The following TRAPPC12 variants were observed in gnomAD, a reference collection of about 807,000 sequenced individuals.
The protein encoded by TRAPPC12 is TPR repeat protein 15.
A neutral mutation model predicts 69.2 loss-of-function variants in TRAPPC12; 61 were observed. That is an observed-to-expected ratio of 0.88 (90% CI 0.72 to 1.09). The LOEUF (loss-of-function observed/expected upper bound fraction) is 1.09, where lower values mean the gene tolerates loss of function less well. Ranked by LOEUF, TRAPPC12 falls within the 50% of genes least tolerant of loss-of-function variation. The probability of loss-of-function intolerance (pLI) is 0.00; values close to 1 mark genes in which losing one functional copy is unlikely to be tolerated. For synonymous variants in TRAPPC12, 469 were observed against 438.9 expected, an observed-to-expected ratio of 1.07 and a Z score of -0.86; for missense variants, 1,101 against 1,016.4, an observed-to-expected ratio of 1.08 and a Z score of -1.13.
intron 8 of TRAPPC12, 148 bp from the exon 9 acceptor site, chr2:3,465,449 G>C: frequency 3.3e-6 from 2 of 608,424 alleles, no homozygotes; most frequent in Non-Finnish European, 5.8e-6. Context: ...GCCGAGCACC[G>C]CGTGCTGGTT....
At chr2:3,430,373 G>C (rs1663359825) in intron 5 of TRAPPC12, among the ~76,000 whole-genome samples, 1 of 152,192 alleles carries the variant, frequency 6.6e-6, no homozygotes, top group Admixed American at 6.5e-5. Context: ...ACTAAAGATT[G>C]TCAGACTTTC....
At chr2:3,395,088 A>G (rs916366078) in intron 2 of TRAPPC12, among the ~76,000 whole-genome samples, 5 of 152,248 alleles carry the variant, frequency 3.3e-5, no homozygotes, top group African/African-American at 9.6e-5. Flanking sequence ...ATTTAGCTCT[A>G]TAAGAAATAG....
chr2:3,411,200 C>G (rs1662035607), intron 3 of TRAPPC12, among the ~76,000 whole-genome samples: 3 of 152,194 alleles, frequency 2.0e-5, no homozygotes, highest in Non-Finnish European at 4.4e-5. Context: ...GTAACTTACA[C>G]CTTCCATACT....
At chr2:3,389,033 A>G (rs1660671964) in intron 2 of TRAPPC12, 1 of 197,808 alleles carries the variant, frequency 5.1e-6, no homozygotes, top group Non-Finnish European at 1.0e-5. Flanking sequence ...CCTGTAACAT[A>G]TAATGTGCCC....
chr2:3,387,788 G>C lies in TRAPPC12; in HGVS notation c.165G>C (p.Ser55=), dbSNP rs2103427720. 6.2e-7 allele frequency: 1 copy of C among 1,613,328 alleles called. No individual in the cohort carries two copies. Residue 55 remains serine, a synonymous_variant, in exon 2 of 12, where the codon TCG becomes TCC. Coordinates refer to ENST00000324266, the MANE Select transcript of TRAPPC12 (RefSeq NM_016030.6). ...AGAACGAGACCGCATCGGAAGGCTC[G>C]AGTCCTCTCGCGGACAAGCTGAACG... The part of the protein sequence containing the change: ...SEENETASEG[S]SPLADKLNEH...
chr2:3,455,083 A>G (rs1021793992), intron 6 of TRAPPC12: 20 of 152,280 alleles, frequency 1.3e-4, no homozygotes, highest in African/African-American at 4.8e-4. Flanking sequence ...GGGGACCGCC[A>G]GTGGGCGTGT....
intron 7 of TRAPPC12, among the ~76,000 whole-genome samples, chr2:3,458,900 A>G (rs1409115786): frequency 3.3e-5 from 5 of 152,248 alleles, no homozygotes; most frequent in Non-Finnish European, 7.3e-5. Context: ...GAGACAATCC[A>G]TATTTTACAT....
chr2:3,459,621 G>A (rs1047765900), intron 7 of TRAPPC12, among the ~76,000 whole-genome samples: 11 of 152,208 alleles, frequency 7.2e-5, no homozygotes, highest in Admixed American at 2.0e-4. Context: ...AGGGAGGGAC[G>A]GGCCAGGCTC....
chr2:3,429,876 A>G (rs1305945273), intron 5 of TRAPPC12, among the ~76,000 whole-genome samples: 3 of 152,164 alleles, frequency 2.0e-5, no homozygotes, highest in Non-Finnish European at 2.9e-5. Context: ...TTTGCCTTAG[A>G]CATTTTTGTA....
At chr2:3,458,458 G>C in intron 7 of TRAPPC12, 1 of 986,178 alleles carries the variant, frequency 1.0e-6, no homozygotes, top group Non-Finnish European at 1.2e-6. Context: ...CTCCGTTTCC[G>C]CAGGTGTGCT....
chr2:3,386,948 G>A (rs1660522434), intron 1 of TRAPPC12, among the ~76,000 whole-genome samples: 1 of 152,134 alleles, frequency 6.6e-6, no homozygotes, highest in African/African-American at 2.4e-5. Context: ...AAACGGTTCA[G>A]CCACTATGAA....
intron 7 of TRAPPC12, chr2:3,459,982 C>T (rs768148323): frequency 9.4e-6 from 5 of 533,154 alleles, no homozygotes; most frequent in South Asian, 4.1e-5. Context: ...GGCCCCCGGT[C>T]GGACCATTTG....
chr2:3,466,977 G>A (rs1447474791), intron 9 of TRAPPC12, among the ~76,000 whole-genome samples: 2 of 152,170 alleles, frequency 1.3e-5, no homozygotes, highest in African/African-American at 2.4e-5. Context: ...AGACAATCTC[G>A]GAAATTTTAT....
At chr2:3,420,946 CAT>C (rs761670876) in intron 3 of TRAPPC12, among the ~76,000 whole-genome samples, 4 of 152,296 alleles carry the variant, frequency 2.6e-5, no homozygotes, top group East Asian at 3.9e-4. Flanking sequence ...TCTTGAGAAA[CAT>C]ATTGTTTAAT....
chr2:3,420,615 A>G (rs1055986388), intron 3 of TRAPPC12, among the ~76,000 whole-genome samples: 1 of 152,118 alleles, frequency 6.6e-6, no homozygotes, highest in Non-Finnish European at 1.5e-5. Context: ...CCTGCCTTCA[A>G]CACAGCCCCC....
intron 5 of TRAPPC12, among the ~76,000 whole-genome samples, chr2:3,439,494 C>T (rs772853881): frequency 6.6e-6 from 1 of 152,210 alleles, no homozygotes; most frequent in South Asian, 2.1e-4. Context: ...ATCAGCTCGC[C>T]TCAGCCTCCC....
At chr2:3,385,995 A>G (rs750584470) in intron 1 of TRAPPC12, among the ~76,000 whole-genome samples, 71 of 152,220 alleles carry the variant, frequency 4.7e-4, no homozygotes, top group Non-Finnish European at 1.3e-4. Flanking sequence ...ACTCCTTTTC[A>G]TTGGATTTTT....
chr2:3,444,718 C>A (rs149752243), intron 6 of TRAPPC12, among the ~76,000 whole-genome samples: 1 of 152,140 alleles, frequency 6.6e-6, no homozygotes, highest in African/African-American at 2.4e-5. Context: ...AGAAGTTTTG[C>A]GGAGTTCCAA....
intron 3 of TRAPPC12, among the ~76,000 whole-genome samples, chr2:3,416,058 T>C (rs1248971663): frequency 2.0e-5 from 3 of 152,218 alleles, no homozygotes; most frequent in East Asian, 3.8e-4. Flanking sequence ...ACTGTGGGTA[T>C]GGATGGAGCA....
Sources: gnomAD v4.1 joint callset for allele counts (sites outside exome capture counted in the v4.1 genomes callset) on GRCh38, gnomAD v4.1.1 for gene constraint, MANE v1.5 for transcripts, NCBI Gene and HGNC (gene_info 2026-07-23, HGNC 2026-07-21) for gene names.